CLASP2: variants seen among roughly 807,000 people sequenced by gnomAD.
CLASP2 encodes CLIP-associating protein 2.
Under a neutral mutation model 194.4 loss-of-function variants are expected in CLASP2, and 47 were observed. The ratio of observed to expected loss-of-function variants is 0.24; its 90% CI spans 0.19 to 0.31. The LOEUF (loss-of-function observed/expected upper bound fraction) is 0.31, where lower values mean the gene tolerates loss of function less well. CLASP2 is among the 10% of genes least tolerant of loss of function. The probability of loss-of-function intolerance (pLI) is 1.00; values close to 1 mark genes in which losing one functional copy is unlikely to be tolerated. For synonymous variants in CLASP2, 619 were observed against 633.5 expected (o/e 0.98, Z 0.34); for missense variants, 1,445 against 1,823.6 (o/e 0.79, Z 3.78).
chr3:33,517,076 G>A lies in CLASP2; in HGVS notation c.3886C>T (p.Leu1296Phe), dbSNP rs748907521. 1 of 1,613,618 alleles carries A rather than the reference G, an allele frequency of 6.2e-7. No homozygotes were observed. The highest frequency in any genetic ancestry group is 1.1e-5 in the South Asian group (1 of 91,054). Residue 1296 changes from leucine to phenylalanine, a missense_variant, in exon 35 of 39, where the codon CTT becomes TTT. Around this residue, in one of 4 missense-constraint regions of CLASP2, gnomAD observed 732 missense variants for 987.9 expected, o/e 0.74. Coordinates refer to ENST00000682230, the MANE Select transcript of CLASP2 (RefSeq NM_001365631.1). ...GATTCTTCCTGTGTCAGTTTCATAA[G>A]TTCATAGAGGGCAATTTTTCTTTCT... is the stretch of plus-strand genomic sequence containing the variant. ...VEERKIALYE[L>F]MKLTQEESFS...
intron 6 of CLASP2, among the ~76,000 whole-genome samples, chr3:33,674,451 G>C (rs909956039): frequency 4.0e-5 from 6 of 149,934 alleles, no homozygotes; most frequent in Non-Finnish European, 7.4e-5. Context: ...GCAGTGTGTA[G>C]AGGGAAATAT....
At chr3:33,628,639 TTG>T (rs892658058) in intron 9 of CLASP2, among the ~76,000 whole-genome samples, 5 of 152,218 alleles carry the variant, frequency 3.3e-5, no homozygotes, top group East Asian at 1.9e-4. Flanking sequence ...TGAGGTGTCT[TTG>T]AGACATCTGA....
chr3:33,508,109 C>G (rs899797412), intron 37 of CLASP2, among the ~76,000 whole-genome samples: 6 of 151,858 alleles, frequency 4.0e-5, no homozygotes, highest in Admixed American at 1.3e-4. Flanking sequence ...ATTCTCCTAC[C>G]TCAGCCTGCT....
chr3:33,620,905 C>T (rs76984689), intron 11 of CLASP2, among the ~76,000 whole-genome samples: 10,565 of 152,102 alleles, frequency 0.069, 457 homozygotes, highest in Admixed American at 0.099. Flanking sequence ...GGCATTCGTT[C>T]CCTTCCTTCC....
intron 7 of CLASP2, among the ~76,000 whole-genome samples, chr3:33,654,749 T>C (rs1172957540): frequency 6.6e-6 from 1 of 152,158 alleles, no homozygotes; most frequent in South Asian, 2.1e-4. Flanking sequence ...GGCTATATTT[T>C]AATATTCACA....
intron 6 of CLASP2, among the ~76,000 whole-genome samples, chr3:33,671,420 T>G (rs2087171207): frequency 6.6e-6 from 1 of 152,156 alleles, no homozygotes; most frequent in Non-Finnish European, 1.5e-5. Flanking sequence ...ATGTTGGAAT[T>G]ACCAGACCAG....
At chr3:33,672,419 G>T (rs1446883650) in intron 6 of CLASP2, among the ~76,000 whole-genome samples, 1 of 152,110 alleles carries the variant, frequency 6.6e-6, no homozygotes, top group Non-Finnish European at 1.5e-5. Context: ...AAACAGAAAG[G>T]ACATCCACAC....
At chr3:33,567,388 C>T (rs1219269614) in intron 26 of CLASP2, among the ~76,000 whole-genome samples, 5 of 152,096 alleles carry the variant, frequency 3.3e-5, no homozygotes, top group East Asian at 1.9e-4. Context: ...GAATTTCTAC[C>T]GTAGTTGTCC....
At chr3:33,539,091 A>G (rs1042665934) in intron 32 of CLASP2, 149 bp from the exon 33 acceptor site, 11 of 548,234 alleles carry the variant, frequency 2.0e-5, no homozygotes, top group Middle Eastern at 5.1e-4. Context: ...TAGCAGCTAT[A>G]TATCATTAAA....
chr3:33,663,715 T>C (rs959162590), intron 6 of CLASP2, among the ~76,000 whole-genome samples, 200 bp from the exon 7 acceptor site: 1 of 152,140 alleles, frequency 6.6e-6, no homozygotes, highest in African/African-American at 2.4e-5. Flanking sequence ...CACATATAGG[T>C]AGGACTCTAC....
rs1477525380 is a variant in CLASP2 at position 33,607,288 on chromosome 3, G to C, written c.1526+96C>G. Reference sequence around the variant, plus strand: ...TTAATTTTACTGGAGGGCTAGTCAAGTAAAATACTTGGACACTTCTGATAT... The same window carrying C: ...TTAATTTTACTGGAGGGCTAGTCAACTAAAATACTTGGACACTTCTGATAT... On this transcript the variant is annotated intron_variant, in intron 15 of 38. Coordinates refer to ENST00000682230, the MANE Select transcript of CLASP2 (RefSeq NM_001365631.1). 17 of 807,786 alleles carry C rather than the reference G, an allele frequency of 2.1e-5. No individual in the cohort carries two copies. In the South Asian group the frequency reaches 3.7e-4, roughly 17 times the overall value. The allele number at this position is 807,786 out of a possible 1,614,324, so 50.0% of individuals were successfully genotyped here.
intron 7 of CLASP2, among the ~76,000 whole-genome samples, chr3:33,653,808 A>ATACTATT (rs1316516942): frequency 5.3e-5 from 8 of 152,166 alleles, no homozygotes; most frequent in Admixed American, 2.0e-4. Flanking sequence ...ATTCATTATA[A>ATACTATT]TACTATTTCT....
At chr3:33,575,477 C>T (rs2064660376) in intron 24 of CLASP2, among the ~76,000 whole-genome samples, 1 of 151,912 alleles carries the variant, frequency 6.6e-6, no homozygotes, top group Non-Finnish European at 1.5e-5. Flanking sequence ...AAATGTTTCT[C>T]AAACATAGGA....
intron 5 of CLASP2, 110 bp from the exon 6 acceptor site, chr3:33,684,566 T>A: frequency 1.6e-6 from 1 of 609,046 alleles, no homozygotes; most frequent in Non-Finnish European, 2.7e-6. Flanking sequence ...AAGTGGATTT[T>A]AATGCCCCTG....
Position 33,665,032 on chromosome 3 carries a change from C to G in CLASP2, c.645-1517G>C, listed in dbSNP as rs190945812. ...ACAAGAATCGCTTGAACCTGGGAGA[C>G]AGAAGTTGCAGTGAGCCGAGATCCT... On this transcript the variant is annotated intron_variant, in intron 6 of 38. Transcript: ENST00000682230. Among the ~76,000 whole-genome samples, 236 of 150,958 alleles carry G rather than the reference C, an allele frequency of 1.6e-3. 1 individual carries two copies. Among genetic ancestry groups the G allele is most frequent in the African/African-American group, 5.4e-3 (221 of 41,006 alleles).
chr3:33,657,695 T>C (rs371429747), intron 7 of CLASP2, among the ~76,000 whole-genome samples: 3 of 152,100 alleles, frequency 2.0e-5, no homozygotes, highest in South Asian at 2.1e-4. Context: ...AAAATTATTT[T>C]CTCATTTATT....
At chr3:33,627,190 T>C (rs1176775652) in intron 9 of CLASP2, 110 bp from the exon 10 acceptor site, 1 of 703,276 alleles carries the variant, frequency 1.4e-6, no homozygotes, top group Admixed American at 2.3e-5. Flanking sequence ...TTTCCCATTC[T>C]AGCACCATTT....
intron 38 of CLASP2, among the ~76,000 whole-genome samples, chr3:33,499,352 C>CTTT (rs11446264): frequency 2.2e-5 from 3 of 137,064 alleles, no homozygotes; most frequent in Non-Finnish European, 3.1e-5. Context: ...TAGGGCAGTT[C>CTTT]TTTTTTTTTT....
intron 36 of CLASP2, among the ~76,000 whole-genome samples, chr3:33,515,407 T>C (rs1334952445): frequency 6.6e-6 from 1 of 152,190 alleles, no homozygotes; most frequent in Non-Finnish European, 1.5e-5. Context: ...TTGCAACAGA[T>C]ATATAGCTCC....
Sources: allele counts gnomAD v4.1 joint callset (sites outside exome capture counted in the v4.1 genomes callset), GRCh38; gene constraint gnomAD v4.1.1; regional missense constraint gnomAD v4.1.1; transcripts MANE v1.5; gene names NCBI Gene and HGNC (gene_info 2026-07-23, HGNC 2026-07-21).